The following NRXN3 variants were observed in gnomAD, a reference collection of about 807,000 sequenced individuals.
NRXN3 encodes neurexin III.
Under a neutral mutation model 137.6 loss-of-function variants are expected in NRXN3, and 32 were observed. The observed-to-expected ratio is 0.23, with a 90% CI of 0.18 to 0.31. The LOEUF is 0.31. Ranked by LOEUF, NRXN3 falls within the 10% of genes least tolerant of loss-of-function variation. The pLI is 1.00. For missense variants in NRXN3, 1,574 were observed against 2,062.5 expected, an observed-to-expected ratio of 0.76 and a Z score of 4.59; for synonymous variants, 798 against 784.5, an observed-to-expected ratio of 1.02 and a Z score of -0.29.
At chr14:79,140,937 C>T (rs1039711710) in intron 15 of NRXN3, among the ~76,000 whole-genome samples, 1 of 152,030 alleles carries the variant, frequency 6.6e-6, no homozygotes, top group Non-Finnish European at 1.5e-5. Flanking sequence ...CACACATACA[C>T]AATACAAATG....
chr14:79,805,253 A>C, intron 20 of NRXN3, 63 bp downstream of exon 20: 1 of 1,150,534 alleles, frequency 8.7e-7, no homozygotes, highest in East Asian at 2.3e-5. Flanking sequence ...CAATACATAC[A>C]TATATGTGAT....
intron 4 of NRXN3, among the ~76,000 whole-genome samples, chr14:78,426,084 G>A (rs1447992347): frequency 6.6e-6 from 1 of 152,218 alleles, no homozygotes; most frequent in Non-Finnish European, 1.5e-5. Flanking sequence ...GGGGAGCACA[G>A]GGGCCTGTCT....
intron 8 of NRXN3, among the ~76,000 whole-genome samples, chr14:78,799,365 T>A (rs1005485454): frequency 6.6e-6 from 1 of 152,118 alleles, no homozygotes; most frequent in African/African-American, 2.4e-5. Context: ...ATAGCTAGAG[T>A]CATCTTTACT....
chr14:79,037,115 C>G (rs2099617372), intron 15 of NRXN3, among the ~76,000 whole-genome samples: 1 of 152,056 alleles, frequency 6.6e-6, no homozygotes, highest in African/African-American at 2.4e-5. Flanking sequence ...AGGGAGTGCT[C>G]TAGCTTCTTC....
rs140576128 is a variant in NRXN3 at position 79,472,099 on chromosome 14, T to G, written c.3444+4697T>G. Among the ~76,000 whole-genome samples, 357 of 152,310 alleles carry G rather than the reference T, an allele frequency of 2.3e-3. 10 individuals carry two copies. The East Asian group carries it at 0.05, about 21-fold the overall frequency. ...TAAGGGAGAACATGCAGTATTTGGT[T>G]TTCTGTTCCTGTGTTACTTTGCTAA... On this transcript the variant is annotated intron_variant, in intron 16 of 20. Coordinates refer to ENST00000335750, the MANE Select transcript of NRXN3 (RefSeq NM_001330195.2).
intron 16 of NRXN3, among the ~76,000 whole-genome samples, chr14:79,548,758 A>C (rs926097322): frequency 6.6e-6 from 1 of 151,574 alleles, no homozygotes; most frequent in South Asian, 2.1e-4. Context: ...AAAAAAAAAA[A>C]AAACAAAAAA....
chr14:79,359,799 G>T (rs1477602881), intron 15 of NRXN3, among the ~76,000 whole-genome samples: 1 of 151,984 alleles, frequency 6.6e-6, no homozygotes, highest in East Asian at 1.9e-4. Context: ...ACTCTGTAGG[G>T]AATCACCCTT....
intron 10 of NRXN3, among the ~76,000 whole-genome samples, chr14:78,872,935 G>A: frequency 6.6e-6 from 1 of 152,104 alleles, no homozygotes. Flanking sequence ...CTTCAAGTCA[G>A]ATTCCAATGC....
chr14:79,652,049 A>G (rs1276786271), intron 16 of NRXN3, among the ~76,000 whole-genome samples: 1 of 152,198 alleles, frequency 6.6e-6, no homozygotes, highest in Non-Finnish European at 1.5e-5. Flanking sequence ...GTTGGATTAT[A>G]GATGACCTCC....
At chr14:78,174,670 G>A (rs913956614) in intron 1 of NRXN3, among the ~76,000 whole-genome samples, 5 of 152,166 alleles carry the variant, frequency 3.3e-5, no homozygotes, top group African/African-American at 1.2e-4. Flanking sequence ...GCCTCATACG[G>A]TGGCTCTGGA....
intron 19 of NRXN3, among the ~76,000 whole-genome samples, chr14:79,789,414 C>T (rs960992193): frequency 1.3e-5 from 2 of 151,994 alleles, no homozygotes; most frequent in African/African-American, 4.8e-5. Flanking sequence ...TTGGATCTCA[C>T]GCAAGAAAGA....
intron 4 of NRXN3, among the ~76,000 whole-genome samples, chr14:78,320,908 G>A (rs889116454): frequency 6.6e-6 from 1 of 151,980 alleles, no homozygotes; most frequent in Non-Finnish European, 1.5e-5. Context: ...ACAAGGTCAG[G>A]AGATCAAGAC....
intron 15 of NRXN3, among the ~76,000 whole-genome samples, chr14:79,450,514 A>G (rs1246646580): frequency 3.9e-5 from 6 of 152,114 alleles, no homozygotes; most frequent in Admixed American, 1.3e-4. Flanking sequence ...TAGTTTACAT[A>G]TATCATAACA....
At chr14:79,098,622 G>A (rs899686023) in intron 15 of NRXN3, among the ~76,000 whole-genome samples, 2 of 152,114 alleles carry the variant, frequency 1.3e-5, no homozygotes, top group African/African-American at 2.4e-5. Context: ...GCTTGAGAGT[G>A]TCTGATACTT....
chr14:79,751,896 C>T, intron 19 of NRXN3, among the ~76,000 whole-genome samples: 1 of 151,958 alleles, frequency 6.6e-6, no homozygotes, highest in Non-Finnish European at 1.5e-5. Flanking sequence ...ATATATTGAA[C>T]CAGCCTTGCA....
chr14:78,848,496 A>G (rs2099033811), intron 10 of NRXN3, among the ~76,000 whole-genome samples: 1 of 151,966 alleles, frequency 6.6e-6, no homozygotes, highest in South Asian at 2.1e-4. Flanking sequence ...GTGCCTTCAG[A>G]TTAGAGAAGG....
At chr14:79,579,741 G>A (rs2097697762) in intron 16 of NRXN3, among the ~76,000 whole-genome samples, 1 of 152,010 alleles carries the variant, frequency 6.6e-6, no homozygotes, top group Non-Finnish European at 1.5e-5. Context: ...GTGTAATGAT[G>A]GGTATTTGGG....
At chr14:78,338,424 C>T (rs1305144876) in intron 4 of NRXN3, among the ~76,000 whole-genome samples, 2 of 152,142 alleles carry the variant, frequency 1.3e-5, no homozygotes, top group Admixed American at 6.5e-5. Flanking sequence ...TCTAGAGCCC[C>T]TTTGGGCCTG....
intron 10 of NRXN3, among the ~76,000 whole-genome samples, chr14:78,954,368 T>G (rs1362475453): frequency 3.3e-5 from 5 of 152,224 alleles, no homozygotes; most frequent in African/African-American, 1.2e-4. Context: ...TTTAATGAGA[T>G]GGATGTGAAT....
Sources: allele counts gnomAD v4.1 joint callset (sites outside exome capture counted in the v4.1 genomes callset), GRCh38; gene constraint gnomAD v4.1.1; transcripts MANE v1.5; gene names NCBI Gene and HGNC (gene_info 2026-07-23, HGNC 2026-07-21).